Variants in PPIL1 observed in about 807,000 individuals in gnomAD.
PPIL1 encodes the protein peptidylprolyl isomerase like 1, also known as peptidyl-prolyl cis-trans isomerase-like 1.
In PPIL1, 14 loss-of-function variants were observed where a neutral mutation model predicts 19.4. The ratio of observed to expected loss-of-function variants is 0.72; its 90% CI spans 0.48 to 1.13. The LOEUF (loss-of-function observed/expected upper bound fraction) is 1.13. Among genes scored for constraint, PPIL1 ranks in the 50% most tolerant of loss-of-function variants. The pLI is 0.00. For synonymous variants in PPIL1, 72 were observed against 73.6 expected, an observed-to-expected ratio of 0.98 and a Z score of 0.11; for missense variants, 192 against 218.0, an observed-to-expected ratio of 0.88 and a Z score of 0.75.
At chr6:36,865,508 C>T (rs964372061) in intron 2 of PPIL1, among the ~76,000 whole-genome samples, 12 of 152,106 alleles carry the variant, frequency 7.9e-5, no homozygotes, top group African/African-American at 1.9e-4. Flanking sequence ...GATGTGACAC[C>T]GGGGGTGGCG....
intron 1 of PPIL1, among the ~76,000 whole-genome samples, chr6:36,873,813 G>A (rs1424026081): frequency 1.3e-5 from 2 of 152,164 alleles, no homozygotes; most frequent in Admixed American, 6.5e-5. Flanking sequence ...CTGGTCCCTG[G>A]CTGTTGAGGG....
intron 1 of PPIL1, chr6:36,872,090 C>A: frequency 2.6e-6 from 1 of 386,828 alleles, no homozygotes; most frequent in South Asian, 6.3e-5. Flanking sequence ...CTGGGTACTT[C>A]TTTTCAGCAA....
At position 36,855,701 on chromosome 6, in the gene PPIL1, G is replaced by GC; in HGVS notation, c.*111dup. On this transcript the variant is annotated 3_prime_UTR_variant, in exon 4 of 4. Coordinates refer to ENST00000373699, the MANE Select transcript of PPIL1 (RefSeq NM_016059.5). ...TCACCCAAGATGCCAGGCCTCCTAA[G>GC]CTTCATGACTTGCAAAGCCAAAATG... is the stretch of plus-strand genomic sequence containing the variant. The GC allele has an allele frequency of 9.1e-7, 1 of 1,097,716 alleles. No homozygotes were observed. The allele number at this position is 1,097,716 out of a possible 1,614,324, so 68.0% of individuals were successfully genotyped here. A position where few individuals can be genotyped will look rare whatever the true frequency, so the allele number is the denominator to read the frequency against.
chr6:36,870,544 C>T (rs1446354057), intron 2 of PPIL1, among the ~76,000 whole-genome samples: 1 of 152,188 alleles, frequency 6.6e-6, no homozygotes, highest in African/African-American at 2.4e-5. Flanking sequence ...CCAAACAATA[C>T]AGTACAACAA....
At chr6:36,857,097 CCAAT>C (rs1166064633) in intron 2 of PPIL1, among the ~76,000 whole-genome samples, 2 of 152,104 alleles carry the variant, frequency 1.3e-5, no homozygotes, top group Non-Finnish European at 1.5e-5. Context: ...ACAGACATTG[CCAAT>C]CAATCAGTAT....
At chr6:36,859,453 AGATGAAGT>A (rs2150655158) in intron 2 of PPIL1, among the ~76,000 whole-genome samples, 1 of 150,300 alleles carries the variant, frequency 6.7e-6, no homozygotes, top group African/African-American at 2.4e-5. Flanking sequence ...AAAAAGTCAC[AGATGAAGT>A]GGGAATCAGA....
intron 2 of PPIL1, among the ~76,000 whole-genome samples, chr6:36,862,002 G>GT (rs1022616561): frequency 2.0e-5 from 3 of 152,034 alleles, no homozygotes; most frequent in Non-Finnish European, 4.4e-5. Flanking sequence ...GGCCTGTGTT[G>GT]TTTCTTAAAA....
Position 36,855,978 on chromosome 6 carries a change from G to T in PPIL1, c.336C>A (p.Phe112Leu), listed in dbSNP as rs201822462. 30 of 1,614,118 alleles carry T rather than the reference G, an allele frequency of 1.9e-5. No homozygotes were observed. Among genetic ancestry groups the T allele is most frequent in the Non-Finnish European group, 1.7e-6 (2 of 1,180,052 alleles). The change falls in exon 4 of 4, where the codon TTC becomes TTA. Residue 112 changes from phenylalanine to leucine, a missense_variant. Coordinates refer to ENST00000373699, the MANE Select transcript of PPIL1 (RefSeq NM_016059.5). ...ACTGGGTGGGGGCGAGGGTCACAAA[G>T]AACTGGCTGCCATTGGTATCTGGCC... ...NAGPDTNGSQ[F>L]FVTLAPTQWL...
rs563407610 is a variant in PPIL1, at chr6:36,862,000, T to G, written c.212-5346A>C. Among the ~76,000 whole-genome samples, 40 of 152,314 alleles carry G rather than the reference T, an allele frequency of 2.6e-4. No individual in the cohort carries two copies. In the Middle Eastern group the frequency reaches 0.01, roughly 39 times the overall value. ...TGTGAGCCACTGTGCCTGGCCTGTG[T>G]TGTTTCTTAAAAACAAAACACAAAA... is the stretch of plus-strand genomic sequence containing the variant. On this transcript the variant is annotated intron_variant, in intron 2 of 3. Coordinates refer to ENST00000373699, the MANE Select transcript of PPIL1 (RefSeq NM_016059.5).
chr6:36,869,024 G>A (rs754958161), intron 2 of PPIL1, among the ~76,000 whole-genome samples: 12 of 151,270 alleles, frequency 7.9e-5, no homozygotes, highest in African/African-American at 2.4e-4. Context: ...TCACTGTGTC[G>A]CTCAGGCTGG....
intron 1 of PPIL1, among the ~76,000 whole-genome samples, chr6:36,874,488 G>A (rs940135720): frequency 3.5e-4 from 54 of 152,242 alleles, no homozygotes; most frequent in African/African-American, 1.2e-3. Flanking sequence ...ACTGGGGGAA[G>A]GAGGACAATC....
chr6:36,867,084 C>T lies in PPIL1; in HGVS notation c.211+4634G>A, dbSNP rs115877523. On this transcript the variant is annotated intron_variant, in intron 2 of 3. Coordinates refer to ENST00000373699, the MANE Select transcript of PPIL1 (RefSeq NM_016059.5). ...CTGGCAATCTTCATTCAACTCAAAA[C>T]TCGGGGCCTCAACCCGTGTGCGGCC... 5.7e-3 allele frequency among the ~76,000 whole-genome samples: 873 copies of T among 152,308 alleles called. 7 individuals are homozygous for T. The highest frequency in any genetic ancestry group is 0.02 in the African/African-American group (838 of 41,560).
Position 36,871,722 on chromosome 6 carries a change from C to T in PPIL1, c.207G>A (p.Gly69=), listed in dbSNP as rs371453308. The T allele has an allele frequency of 9.0e-5, 145 of 1,603,212 alleles. No homozygotes were observed. The highest frequency in any genetic ancestry group is 1.2e-4 in the Non-Finnish European group (138 of 1,176,028). The stretch of plus-strand genomic sequence containing the variant: ...CTAATGTTGGCTTAACTGTACCTGT[C>T]CCTGTTGGGTCACCTCCTTGGATCA... ...DFMIQGGDPT[G]TGRGGASIYG... The change falls in exon 2 of 4, where the codon GGG becomes GGA. Residue 69 remains glycine (G), a synonymous_variant. Coordinates refer to ENST00000373699, the MANE Select transcript of PPIL1 (RefSeq NM_016059.5).
intron 2 of PPIL1, among the ~76,000 whole-genome samples, chr6:36,860,242 G>A (rs1037439577): frequency 1.3e-5 from 2 of 152,036 alleles, no homozygotes; most frequent in Admixed American, 6.5e-5. Flanking sequence ...TGAAGGGGGC[G>A]GATCTCTTAA....
chr6:36,869,014 T>C (rs1418532981), intron 2 of PPIL1, among the ~76,000 whole-genome samples: 2 of 152,138 alleles, frequency 1.3e-5, no homozygotes, highest in African/African-American at 4.8e-5. Context: ...AGATAGTGTC[T>C]CACTGTGTCG....
intron 1 of PPIL1, among the ~76,000 whole-genome samples, chr6:36,874,320 A>G (rs1317334410): frequency 6.6e-6 from 1 of 152,202 alleles, no homozygotes; most frequent in Non-Finnish European, 1.5e-5. Flanking sequence ...CTTATCACGT[A>G]ATGTTTACAT....
chr6:36,872,976 A>G (rs901160656), intron 1 of PPIL1, among the ~76,000 whole-genome samples: 5 of 152,200 alleles, frequency 3.3e-5, no homozygotes, highest in Admixed American at 6.5e-5. Context: ...TAAACACTCT[A>G]TAAGTATATG....
At position 36,871,822 on chromosome 6, in the gene PPIL1, C is replaced by A; in HGVS notation, c.107G>T (p.Cys36Phe). 3 of 1,611,724 alleles carry A rather than the reference C, an allele frequency of 1.9e-6. No homozygotes were observed. The highest frequency in any genetic ancestry group is 2.5e-6 in the Non-Finnish European group (3 of 1,179,144). ...ACGAGCCAACTCAGCAAAGTTCTTA[C>A]AGGTCTTTGGAGCATGCTTCCAGTA... ...ELYWKHAPKT[C>F]KNFAELARRG... is the part of the protein sequence containing the mutation. The change falls in exon 2 of 4, where the codon TGT (cysteine) becomes TTT (phenylalanine). Residue 36 changes from cysteine to phenylalanine, a missense_variant. Physicochemically the swap from Cys to Phe is radical, Grantham distance 205. Coordinates refer to ENST00000373699, the MANE Select transcript of PPIL1 (RefSeq NM_016059.5).
At chr6:36,868,740 G>A (rs745504267) in intron 2 of PPIL1, among the ~76,000 whole-genome samples, 68 of 152,134 alleles carry the variant, frequency 4.5e-4, no homozygotes, top group Non-Finnish European at 8.4e-4. Context: ...GGAGGCTGAG[G>A]TAGGAGAAAT....
Sources: allele counts gnomAD v4.1 joint callset (sites outside exome capture counted in the v4.1 genomes callset), GRCh38; gene constraint gnomAD v4.1.1; transcripts MANE v1.5; gene names NCBI Gene and HGNC (gene_info 2026-07-23, HGNC 2026-07-21).